Variants in TEKT1 observed in about 807,000 individuals in gnomAD.
TEKT1 encodes tektin-1.
In TEKT1, 32 loss-of-function variants were observed where a neutral mutation model predicts 34.8. The ratio of observed to expected loss-of-function variants is 0.92; its 90% CI spans 0.69 to 1.23. The LOEUF (loss-of-function observed/expected upper bound fraction) is 1.23. Ranked by LOEUF, TEKT1 falls within the 50% of genes most tolerant of loss-of-function variation. The probability of loss-of-function intolerance (pLI) is 0.00; values close to 1 mark genes in which losing one functional copy is unlikely to be tolerated. For synonymous variants in TEKT1, 207 were observed against 199.8 expected (o/e 1.04, Z -0.30); for missense variants, 492 against 518.5 (o/e 0.95, Z 0.50).
chr17:6,823,472 A>G (rs9895170), intron 2 of TEKT1, among the ~76,000 whole-genome samples: 16,413 of 151,982 alleles, frequency 0.11, 2,570 homozygotes, highest in African/African-American at 0.34. Context: ...CTGTGTATGC[A>G]TCTCAATCTC....
intron 6 of TEKT1, among the ~76,000 whole-genome samples, chr17:6,806,408 T>A (rs1288918983): frequency 6.6e-6 from 1 of 152,188 alleles, no homozygotes; most frequent in African/African-American, 2.4e-5. Context: ...TGATGGGTCT[T>A]GACTCTTTAT....
chr17:6,820,893 C>A (rs1355741684), intron 2 of TEKT1, among the ~76,000 whole-genome samples: 2 of 152,198 alleles, frequency 1.3e-5, no homozygotes, highest in Non-Finnish European at 2.9e-5. Context: ...TGAAAACCTG[C>A]AAGTCTGCAA....
chr17:6,804,955 T>C (rs1976824998), intron 6 of TEKT1, among the ~76,000 whole-genome samples: 1 of 152,196 alleles, frequency 6.6e-6, no homozygotes, highest in Non-Finnish European at 1.5e-5. Flanking sequence ...CTGGCTTTGG[T>C]ATCAGGATGG....
intron 6 of TEKT1, among the ~76,000 whole-genome samples, chr17:6,802,459 A>T (rs568785420): frequency 6.6e-6 from 1 of 150,890 alleles, no homozygotes; most frequent in African/African-American, 2.4e-5. Context: ...TTATTTATTT[A>T]TTTTTTTAAG....
intron 2 of TEKT1, among the ~76,000 whole-genome samples, chr17:6,820,765 G>A (rs1977075711): frequency 6.6e-6 from 1 of 152,092 alleles, no homozygotes; most frequent in Non-Finnish European, 1.5e-5. Flanking sequence ...CTCTTCTCCT[G>A]TTGCTGTCCC....
In TEKT1 at chr17:6,820,482, T is replaced by C. The variant is rs574164237; in HGVS notation, c.191-1124A>G. Among the ~76,000 whole-genome samples the C allele has an allele frequency of 2.0e-5, 3 of 151,440 alleles. No individual in the cohort carries two copies. In the South Asian group the frequency reaches 6.3e-4, roughly 32 times the overall value. Reference sequence around the variant, plus strand: ...CCACTTCTGTAAGCTGACTCTGTTTTAAAAAAAAATGTTATTGTATATATT... The same window carrying C: ...CCACTTCTGTAAGCTGACTCTGTTTCAAAAAAAAATGTTATTGTATATATT... On this transcript the variant is annotated intron_variant, in intron 2 of 7. Coordinates refer to ENST00000338694, the MANE Select transcript of TEKT1 (RefSeq NM_053285.2).
chr17:6,814,636 A>C (rs1034473337), intron 5 of TEKT1, among the ~76,000 whole-genome samples: 2 of 152,274 alleles, frequency 1.3e-5, no homozygotes, highest in African/African-American at 4.8e-5. Context: ...CAGGAGATTG[A>C]GACCATCCTG....
chr17:6,818,017 T>C (rs1977029747), intron 3 of TEKT1, among the ~76,000 whole-genome samples: 1 of 152,130 alleles, frequency 6.6e-6, no homozygotes, highest in African/African-American at 2.4e-5. Context: ...ACGGGTCCTG[T>C]TTAAGCTTAT....
intron 6 of TEKT1, among the ~76,000 whole-genome samples, chr17:6,804,066 A>G (rs2151581973): frequency 6.6e-6 from 1 of 152,276 alleles, no homozygotes; most frequent in Admixed American, 6.5e-5. Context: ...GGCCATTTTC[A>G]TAATATTGAT....
chr17:6,812,554 G>C (rs1976942730), intron 6 of TEKT1, among the ~76,000 whole-genome samples: 1 of 152,152 alleles, frequency 6.6e-6, no homozygotes, highest in Admixed American at 6.5e-5. Flanking sequence ...CAGCCCCTAA[G>C]CCTCCCGTCT....
rs1352911917 is a variant in TEKT1, at chr17:6,813,065, C to G, written c.630-12G>C. ...CCAGACTCACGGAGCTGAAACAGAC[C>G]TCACGCTTTCATTCACAGCATATTT... On this transcript the variant is annotated splice_polypyrimidine_tract_variant and intron_variant, in intron 5 of 7. Coordinates refer to ENST00000338694, the MANE Select transcript of TEKT1 (RefSeq NM_053285.2). 5 of 1,609,334 alleles carry G rather than the reference C, an allele frequency of 3.1e-6. No individual in the cohort carries two copies. The highest frequency in any genetic ancestry group is 4.2e-6 in the Non-Finnish European group (5 of 1,177,092).
chr17:6,802,298 T>C (rs1356014945), intron 6 of TEKT1, among the ~76,000 whole-genome samples: 1 of 152,198 alleles, frequency 6.6e-6, no homozygotes, highest in African/African-American at 2.4e-5. Context: ...TAGCAGATAT[T>C]AGCAATTACT....
intron 2 of TEKT1, among the ~76,000 whole-genome samples, chr17:6,829,942 C>A (rs1370355942): frequency 6.6e-6 from 1 of 152,054 alleles, no homozygotes; most frequent in Non-Finnish European, 1.5e-5. Context: ...TACATAGATG[C>A]CCATAGATGC....
In TEKT1 at chr17:6,812,848, C is replaced by G. The variant is rs777835447; in HGVS notation, c.835G>C (p.Ala279Pro). 1.2e-6 allele frequency: 2 copies of G among 1,613,790 alleles called. No individual in the cohort carries two copies. The highest frequency in any genetic ancestry group is 2.2e-5 in the East Asian group (1 of 44,882). Residue 279 changes from alanine to proline, a missense_variant, in exon 6 of 8, where the codon GCT becomes CCT. Coordinates refer to ENST00000338694, the MANE Select transcript of TEKT1 (RefSeq NM_053285.2). The part of the protein sequence containing the change: ...KDTKDARDKL[A>P]DHLAKVMEEI... Reference sequence around the variant, plus strand: ...GACCTCACCTTGGCCAGATGATCAGCCAGCTTGTCCCTGGCATCCTTTGTA... The same window carrying G: ...GACCTCACCTTGGCCAGATGATCAGGCAGCTTGTCCCTGGCATCCTTTGTA...
rs1418331381 is a variant in TEKT1 at position 6,815,971 on chromosome 17, G to T, written c.357-9C>A. The T allele has an allele frequency of 6.2e-7, 1 of 1,613,548 alleles. No homozygotes were observed. The highest frequency in any genetic ancestry group is 1.1e-5 in the South Asian group (1 of 91,070). ...TGCCAATGCGCTTCTCCCTGGCAGG[G>T]GGAAAGGCAGCCAGTCAGCCAACAC... On this transcript the variant is annotated splice_polypyrimidine_tract_variant and intron_variant, in intron 3 of 7. Transcript: ENST00000338694.
At chr17:6,804,963 T>C (rs556044372) in intron 6 of TEKT1, among the ~76,000 whole-genome samples, 1 of 152,346 alleles carries the variant, frequency 6.6e-6, no homozygotes, top group Non-Finnish European at 1.5e-5. Context: ...GGTATCAGGA[T>C]GGTGCTGGCC....
At chr17:6,817,821 T>A (rs1977026784) in intron 3 of TEKT1, among the ~76,000 whole-genome samples, 1 of 152,212 alleles carries the variant, frequency 6.6e-6, no homozygotes, top group Non-Finnish European at 1.5e-5. Flanking sequence ...AAATGAGCTA[T>A]AAAAGCATAA....
chr17:6,830,040 T>C lies in TEKT1; in HGVS notation c.190+147A>G. 3.8e-6 allele frequency: 3 copies of C among 797,646 alleles called. No homozygotes were observed. In the South Asian group the frequency reaches 6.0e-5, roughly 16 times the overall value. 49.4% of individuals were successfully genotyped at this position (797,646 alleles called of 1,614,324 possible). A position where few individuals can be genotyped will look rare whatever the true frequency, so the allele number is the denominator to read the frequency against. ...TTACCTTGTGTCTATCTTAGGGCAGTGAACTTAAACATAGAACCTGGAGAA... is the reference window on the plus strand; with the variant it reads ...TTACCTTGTGTCTATCTTAGGGCAGCGAACTTAAACATAGAACCTGGAGAA... On this transcript the variant is annotated intron_variant, in intron 2 of 7. Coordinates refer to ENST00000338694, the MANE Select transcript of TEKT1 (RefSeq NM_053285.2).
intron 2 of TEKT1, among the ~76,000 whole-genome samples, chr17:6,824,926 A>G (rs1386943771): frequency 1.3e-5 from 2 of 152,324 alleles, no homozygotes; most frequent in East Asian, 3.9e-4. Flanking sequence ...AAGAGTTCTC[A>G]TGAGAAATTA....
Sources: gnomAD v4.1 joint callset for allele counts (sites outside exome capture counted in the v4.1 genomes callset) on GRCh38, gnomAD v4.1.1 for gene constraint, MANE v1.5 for transcripts, NCBI Gene and HGNC (gene_info 2026-07-23, HGNC 2026-07-21) for gene names.